KIF2A: variants seen among roughly 807,000 people sequenced by gnomAD.
KIF2A encodes the protein kinesin-like protein KIF2A.
KIF2A carries 22 observed loss-of-function variants against 100.2 expected under a neutral mutation model. The observed-to-expected ratio is 0.22, with a 90% CI of 0.16 to 0.31. KIF2A has a LOEUF of 0.31. Among genes scored for constraint, KIF2A ranks in the 10% least tolerant of loss-of-function variants. The pLI, the probability that KIF2A is intolerant of heterozygous loss-of-function variation, is 1.00. For missense variants in KIF2A, 495 were observed against 898.7 expected (o/e 0.55, Z 5.74); for synonymous variants, 268 against 285.9 (o/e 0.94, Z 0.63).
chr5:62,308,384 A>T lies in KIF2A; in HGVS notation c.64+1848A>T, dbSNP rs1005503869. ...TTGAAGATTCTGGGTGCACAGCAACACCTGTCCCTGGTATACACCCAAGGG... is the reference window on the plus strand; with the variant it reads ...TTGAAGATTCTGGGTGCACAGCAACTCCTGTCCCTGGTATACACCCAAGGG... On this transcript the variant is annotated intron_variant, in intron 1 of 20. Transcript: ENST00000407818. 3.3e-5 allele frequency: 48 copies of T among 1,470,052 alleles called. 1 individual carries two copies. The East Asian group carries it at 1.1e-3, about 34-fold the overall frequency. The allele number at this position is 1,470,052 out of a possible 1,614,324, so 91.1% of individuals were successfully genotyped here. A position where few individuals can be genotyped will look rare whatever the true frequency, so the allele number is the denominator to read the frequency against.
At position 62,372,547 on chromosome 5, in the gene KIF2A, A is replaced by G. The variant is rs1183822883; in HGVS notation, c.1756A>G (p.Thr586Ala). ...YEYDDFSPSV[T>A]RVKELTVDPT... Reference sequence around the variant, plus strand: ...ATATGACGACTTTTCTCCTTCAGTTACCAGGTCTACTTCATTCTATACATA... The same window carrying G: ...ATATGACGACTTTTCTCCTTCAGTTGCCAGGTCTACTTCATTCTATACATA... Residue 586 changes from threonine (T) to alanine (A), a missense_variant, in exon 17 of 21, where the codon ACC becomes GCC. Thr to Ala is a moderately conservative substitution (Grantham distance 58, BLOSUM62 0). Transcript: ENST00000407818. The G allele has an allele frequency of 6.5e-7, 1 of 1,533,426 alleles. No individual in the cohort carries two copies. Among genetic ancestry groups the G allele is most frequent in the African/African-American group, 1.4e-5 (1 of 73,376 alleles). The allele number at this position is 1,533,426 out of a possible 1,614,324, so 95.0% of individuals were successfully genotyped here.
intron 1 of KIF2A, among the ~76,000 whole-genome samples, chr5:62,325,989 G>A (rs984927615): frequency 1.3e-5 from 2 of 152,100 alleles, no homozygotes; most frequent in African/African-American, 4.8e-5. Context: ...GAGGAAGGAG[G>A]GTGGGAAGGT....
intron 1 of KIF2A, among the ~76,000 whole-genome samples, chr5:62,309,464 A>T (rs1222568524): frequency 6.6e-6 from 1 of 152,246 alleles, no homozygotes; most frequent in East Asian, 1.9e-4. Context: ...AGTGTTTCAC[A>T]ATAGAAATTG....
chr5:62,361,283 G>T lies in KIF2A; in HGVS notation c.914G>T (p.Gly305Val), dbSNP rs758569102. The T allele has an allele frequency of 6.2e-7, 1 of 1,608,430 alleles. No homozygotes were observed. The change falls in exon 10 of 21, where the codon GGA (glycine) becomes GTA (valine). Residue 305 changes from glycine to valine, a missense_variant. Physicochemically the swap from Gly to Val is moderately radical, Grantham distance 109. This residue lies in a region of KIF2A where 109 missense variants were observed against 244.2 expected (regional missense o/e 0.45). Transcript: ENST00000407818. ...RPLVETIFER[G>V]MATCFAYGQT... is the part of the protein sequence containing the mutation. ...CTAGTGGAAACTATATTTGAAAGGG[G>T]AATGGCTACATGCTTTGCTTATGGG...
chr5:62,313,618 G>T (rs1745665053), intron 1 of KIF2A, among the ~76,000 whole-genome samples: 1 of 152,078 alleles, frequency 6.6e-6, no homozygotes, highest in African/African-American at 2.4e-5. Flanking sequence ...CTCCCAAAAT[G>T]CTGGGATTAC....
chr5:62,357,643 T>C (rs1025965339), intron 7 of KIF2A, 48 bp from the exon 8 acceptor site: 4 of 981,430 alleles, frequency 4.1e-6, no homozygotes, highest in Non-Finnish European at 6.2e-6. Flanking sequence ...GTTTTAGTGT[T>C]TTACATGACA....
At chr5:62,375,134 TA>T (rs1243618963) in intron 18 of KIF2A, among the ~76,000 whole-genome samples, 2 of 152,226 alleles carry the variant, frequency 1.3e-5, no homozygotes, top group African/African-American at 2.4e-5. Flanking sequence ...ATGCCCATTG[TA>T]TAAGGATAGA....
intron 11 of KIF2A, 49 bp from the exon 12 acceptor site, chr5:62,362,401 T>A (rs770473869): frequency 1.1e-6 from 1 of 914,774 alleles, no homozygotes; most frequent in South Asian, 2.4e-5. Context: ...AGTTGCTTTT[T>A]AAAAATATTT....
chr5:62,340,033 G>A (rs1747211600), intron 1 of KIF2A, among the ~76,000 whole-genome samples: 1 of 151,508 alleles, frequency 6.6e-6, no homozygotes, highest in East Asian at 1.9e-4. Flanking sequence ...CTGCCTCCCG[G>A]GTTCAAGCAA....
At position 62,388,486 on chromosome 5, in the gene KIF2A, G is replaced by C. The variant is rs763646312; in HGVS notation, c.*2917G>C. ...GGCAATCGTAACAGACACTGTATAGGATAAATAGGGAAGAGAATGAGAGAA... is the reference window on the plus strand; with the variant it reads ...GGCAATCGTAACAGACACTGTATAGCATAAATAGGGAAGAGAATGAGAGAA... On this transcript the variant is annotated 3_prime_UTR_variant, in exon 21 of 21. Transcript: ENST00000407818. 1 of 155,334 alleles carries C rather than the reference G, an allele frequency of 6.4e-6. No homozygotes were observed. Among genetic ancestry groups the C allele is most frequent in the Non-Finnish European group, 1.4e-5 (1 of 70,528 alleles). The allele number at this position is 155,334 out of a possible 1,614,324, so 9.6% of individuals were successfully genotyped here.
At chr5:62,363,074 T>C (rs1475497027) in intron 12 of KIF2A, 104 bp from the exon 13 acceptor site, 2 of 900,602 alleles carry the variant, frequency 2.2e-6, no homozygotes, top group Non-Finnish European at 3.3e-6. Context: ...GCCATCCTCC[T>C]GCCTCAGCCT....
intron 1 of KIF2A, among the ~76,000 whole-genome samples, chr5:62,341,104 A>C (rs73760587): frequency 0.022 from 3,420 of 152,276 alleles, 129 homozygotes; most frequent in African/African-American, 0.077. Context: ...TTCTTGTTGG[A>C]TGAGTAAACT....
Position 62,373,674 on chromosome 5 carries a change from T to C in KIF2A, c.1761-13T>C, listed in dbSNP as rs1284700113. On this transcript the variant is annotated splice_polypyrimidine_tract_variant and intron_variant, in intron 17 of 20. Transcript: ENST00000407818. The stretch of plus-strand genomic sequence containing the variant: ...AGTGTTTTTAACTTTAGATACCTCT[T>C]ATGTATTTATAGGGTCAAAGAATTG... 1 of 1,606,976 alleles carries C rather than the reference T, an allele frequency of 6.2e-7. No individual in the cohort carries two copies. The highest frequency in any genetic ancestry group is 1.3e-5 in the African/African-American group (1 of 74,756).
chr5:62,380,283 C>A (rs1413158496), intron 19 of KIF2A, among the ~76,000 whole-genome samples: 1 of 152,206 alleles, frequency 6.6e-6, no homozygotes, highest in Non-Finnish European at 1.5e-5. Context: ...TAGCCCCCAT[C>A]AAAGTGCTCA....
intron 18 of KIF2A, among the ~76,000 whole-genome samples, chr5:62,374,201 G>A (rs1741441928): frequency 6.6e-6 from 1 of 152,196 alleles, no homozygotes; most frequent in Non-Finnish European, 1.5e-5. Flanking sequence ...GACAGAGCGA[G>A]ACCTTGTCTC....
intron 19 of KIF2A, among the ~76,000 whole-genome samples, chr5:62,379,715 C>T (rs1741697086): frequency 6.6e-6 from 1 of 151,048 alleles, no homozygotes; most frequent in South Asian, 2.1e-4. Context: ...TAATATGTTT[C>T]CTAATCAAGA....
chr5:62,377,440 T>C (rs1052417829), intron 18 of KIF2A, among the ~76,000 whole-genome samples: 7 of 152,212 alleles, frequency 4.6e-5, no homozygotes, highest in Non-Finnish European at 1.0e-4. Context: ...GTGAAAAATA[T>C]TCCCTACTCA....
At chr5:62,317,024 G>A (rs1159683121) in intron 1 of KIF2A, among the ~76,000 whole-genome samples, 1 of 151,210 alleles carries the variant, frequency 6.6e-6, no homozygotes, top group Non-Finnish European at 1.5e-5. Context: ...TAGTAAAAAG[G>A]ATTCACATAT....
chr5:62,357,887 G>A, intron 8 of KIF2A, 142 bp downstream of exon 8: 1 of 648,326 alleles, frequency 1.5e-6, no homozygotes. Flanking sequence ...GATTTCTATG[G>A]CTAAACTTGT....
Sources: gnomAD v4.1 joint callset for allele counts (sites outside exome capture counted in the v4.1 genomes callset) on GRCh38, gnomAD v4.1.1 for gene constraint, gnomAD v4.1.1 regional missense constraint, MANE v1.5 for transcripts, NCBI Gene and HGNC (gene_info 2026-07-23, HGNC 2026-07-21) for gene names.